ZNF83: variants seen among roughly 807,000 people sequenced by gnomAD.
ZNF83 encodes zinc finger protein 816B.
For synonymous variants in ZNF83, 209 were observed against 213.0 expected, an observed-to-expected ratio of 0.98 and a Z score of 0.17; for missense variants, 552 against 629.9, an observed-to-expected ratio of 0.88 and a Z score of 1.32.
intron 1 of ZNF83, among the ~76,000 whole-genome samples, chr19:52,687,987 G>A (rs1273902472): frequency 6.6e-6 from 1 of 151,956 alleles, no homozygotes; most frequent in Non-Finnish European, 1.5e-5. Context: ...CCAACTGGAA[G>A]CTAACCTCTG....
chr19:52,638,821 C>A (rs953019614), upstream of ZNF83, among the ~76,000 whole-genome samples: 2 of 152,178 alleles, frequency 1.3e-5, no homozygotes, highest in African/African-American at 4.8e-5. Context: ...GAGGTCACCA[C>A]CTGCGGCTTA....
At chr19:52,618,609 C>G (rs1016917827) in intron 2 of ZNF83, 1 of 320,688 alleles carries the variant, frequency 3.1e-6, no homozygotes, top group East Asian at 8.7e-5. Context: ...GTTGGTGAGG[C>G]TAGTATCGAA....
intron 1 of ZNF83, among the ~76,000 whole-genome samples, chr19:52,677,049 G>T (rs1445913861): frequency 6.8e-6 from 1 of 146,888 alleles, no homozygotes; most frequent in Non-Finnish European, 1.5e-5. Context: ...TTGTTTATCT[G>T]CTGACCTTCC....
At chr19:52,655,545 G>A in intron 3 of ZNF83, 5 of 1,477,822 alleles carry the variant, frequency 3.4e-6, no homozygotes, top group Non-Finnish European at 4.7e-6. Context: ...CACATCAGGA[G>A]GGACATTTTC....
At chr19:52,639,413 C>CTTTTTTTTTCTTTTTT (rs1206783591), upstream of ZNF83, among the ~76,000 whole-genome samples, 39 of 53,798 alleles carry the variant, frequency 7.2e-4, 1 homozygote, top group Admixed American at 1.3e-3. Context: ...TTAGTTTTTT[C>CTTTTTTTTTCTTTTTT]TATTTTTTTT....
chr19:52,620,859 ATTC>A (rs749572172), intron 2 of ZNF83, among the ~76,000 whole-genome samples: 2 of 152,088 alleles, frequency 1.3e-5, no homozygotes, highest in African/African-American at 4.8e-5. Flanking sequence ...ACCTCATGAC[ATTC>A]TTCTTCTGGA....
At chr19:52,681,395 G>C (rs1246980921) in intron 1 of ZNF83, among the ~76,000 whole-genome samples, 1 of 151,350 alleles carries the variant, frequency 6.6e-6, no homozygotes, top group Non-Finnish European at 1.5e-5. Context: ...GTGGTGTCTA[G>C]AGAGGACAAA....
chr19:52,652,391 C>T (rs781054751), intron 3 of ZNF83: 30 of 333,998 alleles, frequency 9.0e-5, no homozygotes, highest in Non-Finnish European at 1.4e-4. Context: ...GCCGAGATCA[C>T]GCCACTGCAC....
chr19:52,626,713 C>T (rs1037801214), intron 2 of ZNF83, among the ~76,000 whole-genome samples: 17 of 152,044 alleles, frequency 1.1e-4, no homozygotes, highest in Admixed American at 5.2e-4. Flanking sequence ...CAGCCTAAAT[C>T]CCTATTCCTT....
At chr19:52,619,916 G>A (rs1409142854) in intron 2 of ZNF83, among the ~76,000 whole-genome samples, 1 of 152,110 alleles carries the variant, frequency 6.6e-6, no homozygotes, top group Non-Finnish European at 1.5e-5. Context: ...TGGGCATGGT[G>A]GCAGGCATCT....
At chr19:52,620,252 A>ATC (rs199544173) in intron 2 of ZNF83, among the ~76,000 whole-genome samples, 17,074 of 128,624 alleles carry the variant, frequency 0.13, 1,210 homozygotes, top group East Asian at 0.33. Flanking sequence ...GTGTGTGTAT[A>ATC]TCTGTGTGTG....
intron 1 of ZNF83, among the ~76,000 whole-genome samples, chr19:52,688,400 C>T (rs2062084311): frequency 6.6e-6 from 1 of 151,594 alleles, no homozygotes; most frequent in Non-Finnish European, 1.5e-5. Flanking sequence ...TCTAGAACTC[C>T]TGGACTCAAG....
intron 1 of ZNF83, among the ~76,000 whole-genome samples, chr19:52,671,014 G>T (rs951246940): frequency 1.3e-5 from 2 of 152,268 alleles, no homozygotes; most frequent in South Asian, 4.2e-4. Flanking sequence ...TAGATTTTTA[G>T]TTATTCTCTT....
At chr19:52,636,179 G>C (rs1322156885) in intron 1 of ZNF83, 2 of 151,772 alleles carry the variant, frequency 1.3e-5, no homozygotes, top group African/African-American at 4.8e-5. Context: ...GGGCTTCTTG[G>C]TGGCTCATCA....
chr19:52,623,253 G>A (rs954295444), intron 2 of ZNF83, among the ~76,000 whole-genome samples: 5 of 152,146 alleles, frequency 3.3e-5, no homozygotes, highest in Admixed American at 2.0e-4. Flanking sequence ...AAGCCCTCTG[G>A]ACCATCAGGG....
intron 1 of ZNF83, among the ~76,000 whole-genome samples, chr19:52,689,990 C>T (rs1263733610): frequency 2.0e-5 from 3 of 152,056 alleles, no homozygotes; most frequent in South Asian, 2.1e-4. Flanking sequence ...GGCGACGGCG[C>T]CTGAGGACAA....
intron 1 of ZNF83, among the ~76,000 whole-genome samples, chr19:52,637,366 A>G (rs1390376933): frequency 6.6e-6 from 1 of 151,872 alleles, no homozygotes; most frequent in African/African-American, 2.4e-5. Context: ...TGCCACCAGC[A>G]CCACTCTGCT....
intron 1 of ZNF83, among the ~76,000 whole-genome samples, chr19:52,674,641 A>C (rs1427050818): frequency 1.3e-5 from 2 of 152,346 alleles, no homozygotes; most frequent in East Asian, 3.9e-4. Flanking sequence ...AAAATTTTAA[A>C]AGGAAATTAA....
chr19:52,688,022 T>C (rs562154703), intron 1 of ZNF83, among the ~76,000 whole-genome samples: 11 of 152,234 alleles, frequency 7.2e-5, no homozygotes, highest in African/African-American at 2.6e-4. Flanking sequence ...AGAATGTACA[T>C]GTCTCATAGA....
Sources: allele counts gnomAD v4.1 joint callset (sites outside exome capture counted in the v4.1 genomes callset), GRCh38; gene constraint gnomAD v4.1.1; transcripts MANE v1.5; gene names NCBI Gene and HGNC (gene_info 2026-07-23, HGNC 2026-07-21).